LAMA1: variants seen among roughly 807,000 people sequenced by gnomAD.
The protein encoded by LAMA1 is laminin subunit alpha-1.
In LAMA1, 219 loss-of-function variants were observed where a neutral mutation model predicts 348.7. The ratio of observed to expected loss-of-function variants is 0.63; its 90% CI spans 0.56 to 0.70. LAMA1 has a LOEUF of 0.70. Among genes scored for constraint, LAMA1 ranks in the 30% least tolerant of loss-of-function variants. LAMA1 has a pLI of 0.00. For missense variants in LAMA1, 3,744 were observed against 3,888.0 expected, an observed-to-expected ratio of 0.96 and a Z score of 0.99; for synonymous variants, 1,487 against 1,491.0, an observed-to-expected ratio of 1.00 and a Z score of 0.06.
chr18:6,974,450 CTTTTCTTTTTTT>C (rs2057672138), intron 46 of LAMA1, among the ~76,000 whole-genome samples: 1 of 140,988 alleles, frequency 7.1e-6, no homozygotes, highest in Non-Finnish European at 1.5e-5. Flanking sequence ...ATGCTTATTT[CTTTTCTTTTTTT>C]TTTTTTTTTT....
chr18:7,102,841 A>C (rs1164209996), intron 1 of LAMA1, among the ~76,000 whole-genome samples: 6 of 152,242 alleles, frequency 3.9e-5, no homozygotes, highest in Admixed American at 2.0e-4. Context: ...TCTAGAAATA[A>C]GTTTTTGTTG....
At chr18:7,107,631 G>A (rs2058317714) in intron 1 of LAMA1, among the ~76,000 whole-genome samples, 1 of 152,028 alleles carries the variant, frequency 6.6e-6, no homozygotes. Flanking sequence ...GTGAATAAAT[G>A]AATGATCAAG....
At position 6,999,782 on chromosome 18, in the gene LAMA1, T is replaced by C. The variant is rs111376651; in HGVS notation, c.4469+129A>G. ...CTTGTTCTGGAACAGTAATGAGGTC[T>C]TATTTCAATCAAGCACATCCAAACT... On this transcript the variant is annotated intron_variant, in intron 31 of 62. Coordinates refer to ENST00000389658, the MANE Select transcript of LAMA1 (RefSeq NM_005559.4). 1.5e-4 allele frequency: 176 copies of C among 1,161,278 alleles called. 2 individuals carry two copies. In the African/African-American group the frequency reaches 2.3e-3, roughly 16 times the overall value. The allele number at this position is 1,161,278 out of a possible 1,614,324, so 71.9% of individuals were successfully genotyped here.
chr18:7,079,012 T>TA (rs200174484), intron 3 of LAMA1, among the ~76,000 whole-genome samples: 4 of 151,336 alleles, frequency 2.6e-5, no homozygotes, highest in Non-Finnish European at 4.4e-5. Context: ...AAATAAAAAA[T>TA]AAAAAAAAAT....
intron 1 of LAMA1, among the ~76,000 whole-genome samples, chr18:7,117,172 G>C (rs2058360494): frequency 1.3e-5 from 2 of 152,162 alleles, no homozygotes; most frequent in Admixed American, 1.3e-4. Flanking sequence ...GCCCTTTCCC[G>C]GCCGCCGCGA....
At chr18:7,015,957 C>T in intron 21 of LAMA1, 99 bp from the exon 22 acceptor site, 1 of 1,422,170 alleles carries the variant, frequency 7.0e-7, no homozygotes, top group African/African-American at 1.4e-5. Flanking sequence ...GTCCAAGCCA[C>T]TCTTCTCACT....
At position 6,985,288 on chromosome 18, in the gene LAMA1, C is replaced by G; in HGVS notation, c.5609G>C (p.Arg1870Thr). The change falls in exon 39 of 63, where the codon AGA (arginine) becomes ACA (threonine). Residue 1870 changes from arginine (R) to threonine (T), a missense_variant. Arg to Thr is a moderately conservative substitution (Grantham distance 71, BLOSUM62 -1). Around this residue, in one of 3 missense-constraint regions of LAMA1, gnomAD observed 1,983 missense variants for 1,934.3 expected, o/e 1.03. Transcript: ENST00000389658. ...GAACTCAGCGGCATGGTCCTCAGCT[C>G]TGTAGACCAGGTCGACTGCGTTCCT... ...SQRNAVDLVY[R>T]AEDHAAEFQR... is the part of the protein sequence containing the mutation. 6.2e-7 allele frequency: 1 copy of G among 1,614,214 alleles called. No individual in the cohort carries two copies. Among genetic ancestry groups the G allele is most frequent in the Non-Finnish European group, 8.5e-7 (1 of 1,180,052 alleles).
chr18:7,000,183 C>T (rs2057801453), intron 30 of LAMA1, among the ~76,000 whole-genome samples, 186 bp from the exon 31 acceptor site: 1 of 152,220 alleles, frequency 6.6e-6, no homozygotes, highest in Non-Finnish European at 1.5e-5. Context: ...TAAGTGCACA[C>T]ACATCTTGTA....
chr18:7,041,571 TC>T (rs2058020879), intron 9 of LAMA1, among the ~76,000 whole-genome samples: 1 of 152,198 alleles, frequency 6.6e-6, no homozygotes, highest in African/African-American at 2.4e-5. Context: ...TTCAGGAGAC[TC>T]TGGTATTTGC....
intron 1 of LAMA1, among the ~76,000 whole-genome samples, chr18:7,083,672 T>C (rs1160744736): frequency 6.6e-6 from 1 of 152,180 alleles, no homozygotes; most frequent in Non-Finnish European, 1.5e-5. Context: ...GAAAAAAATA[T>C]TCACTAAAAA....
At chr18:6,963,447 A>G (rs1568009449) in intron 51 of LAMA1, among the ~76,000 whole-genome samples, 1 of 152,326 alleles carries the variant, frequency 6.6e-6, no homozygotes, top group Admixed American at 6.5e-5. Context: ...AATGGATTCA[A>G]TTCTAAGATC....
At chr18:7,027,900 G>A (rs1452541901) in intron 16 of LAMA1, among the ~76,000 whole-genome samples, 2 of 152,150 alleles carry the variant, frequency 1.3e-5, no homozygotes, top group Non-Finnish European at 2.9e-5. Context: ...CCAAGATCAC[G>A]TGACTGCACT....
At chr18:7,055,895 C>A (rs2058079801) in intron 3 of LAMA1, among the ~76,000 whole-genome samples, 1 of 151,860 alleles carries the variant, frequency 6.6e-6, no homozygotes, top group South Asian at 2.1e-4. Flanking sequence ...TCCTGGCTAA[C>A]ACAGTGAAAC....
At chr18:7,088,701 T>C (rs1418419491) in intron 1 of LAMA1, among the ~76,000 whole-genome samples, 1 of 151,952 alleles carries the variant, frequency 6.6e-6, no homozygotes, top group African/African-American at 2.4e-5. Context: ...TATTTATTTT[T>C]CTCGTAGAGA....
rs139416724 is a variant in LAMA1, at chr18:6,964,723, G to A, written c.7276C>T (p.Leu2426Phe). 5.6e-6 allele frequency: 9 copies of A among 1,614,000 alleles called. No homozygotes were observed. The highest frequency in any genetic ancestry group is 2.2e-5 in the East Asian group (1 of 44,874). ...ATCGGGTCCTTGTCTAGGCGGTTGA[G>A]GTCAGAAGATGCTCCCGGAGTCTCG... The part of the protein sequence containing the change: ...QGETPGASSD[L>F]NRLDKDPIYV... Residue 2426 changes from leucine to phenylalanine, a missense_variant, in exon 51 of 63, where the codon CTC becomes TTC. Transcript: ENST00000389658.
chr18:6,995,353 T>C lies in LAMA1; in HGVS notation c.4896+4A>G. On this transcript the variant is annotated splice_donor_region_variant and intron_variant, in intron 34 of 62. Transcript: ENST00000389658. ...AAGGTTGGTTGGTTATGGAAAGAAT[T>C]TACCTTCTTTTGCAGGTTGTCCGTT... 1.2e-6 allele frequency: 2 copies of C among 1,605,716 alleles called. No homozygotes were observed. The highest frequency in any genetic ancestry group is 2.2e-5 in the South Asian group (2 of 90,924).
intron 11 of LAMA1, chr18:7,038,504 C>A: frequency 2.4e-6 from 1 of 420,962 alleles, no homozygotes; most frequent in South Asian, 2.1e-5. Flanking sequence ...GCAGCAGGGG[C>A]GGGCGGAGGG....
chr18:7,083,246 C>T (rs181061971), intron 1 of LAMA1, among the ~76,000 whole-genome samples: 3 of 146,792 alleles, frequency 2.0e-5, no homozygotes, highest in Non-Finnish European at 4.5e-5. Flanking sequence ...AGTGCAGTGG[C>T]ACGATCTTGG....
intron 9 of LAMA1, 36 bp downstream of exon 9, chr18:7,042,109 A>T (rs550663062): frequency 7.0e-7 from 1 of 1,422,084 alleles, no homozygotes; most frequent in African/African-American, 1.4e-5. Context: ...CACACACAAA[A>T]TCAATTACAA....
Sources: gnomAD v4.1 joint callset for allele counts (sites outside exome capture counted in the v4.1 genomes callset) on GRCh38, gnomAD v4.1.1 for gene constraint, gnomAD v4.1.1 regional missense constraint, MANE v1.5 for transcripts, NCBI Gene and HGNC (gene_info 2026-07-23, HGNC 2026-07-21) for gene names.